Variants in STAU2 observed in about 807,000 individuals in gnomAD.
STAU2 encodes double-stranded RNA-binding protein Staufen homolog 2.
A neutral mutation model predicts 65.9 loss-of-function variants in STAU2; 20 were observed. That is an observed-to-expected ratio of 0.30 (90% CI 0.21 to 0.44). The LOEUF (loss-of-function observed/expected upper bound fraction) is 0.44, where lower values mean the gene tolerates loss of function less well. STAU2 is among the 20% of genes least tolerant of loss of function. The pLI is 1.00. For synonymous variants in STAU2, 232 were observed against 233.9 expected (o/e 0.99, Z 0.07); for missense variants, 558 against 683.9 (o/e 0.82, Z 2.05).
intron 12 of STAU2, among the ~76,000 whole-genome samples, chr8:73,565,481 T>C (rs1808535276): frequency 6.6e-6 from 1 of 152,182 alleles, no homozygotes; most frequent in Non-Finnish European, 1.5e-5. Flanking sequence ...TTTACAGCCC[T>C]GCAAAAACAG....
intron 6 of STAU2, among the ~76,000 whole-genome samples, chr8:73,621,721 T>C (rs1285303642): frequency 3.3e-5 from 5 of 152,176 alleles, no homozygotes; most frequent in Non-Finnish European, 7.3e-5. Flanking sequence ...AGAATTATCT[T>C]CCATGCTTGT....
chr8:73,442,849 G>C (rs1379820956), intron 13 of STAU2, among the ~76,000 whole-genome samples: 1 of 152,180 alleles, frequency 6.6e-6, no homozygotes, highest in Admixed American at 6.5e-5. Context: ...ATTTTTGCCT[G>C]AGGGTACATT....
chr8:73,465,403 T>A (rs1819597397), intron 13 of STAU2, among the ~76,000 whole-genome samples: 1 of 152,252 alleles, frequency 6.6e-6, no homozygotes, highest in African/African-American at 2.4e-5. Context: ...AGGAATGTTT[T>A]TGACTAGAAA....
chr8:73,699,381 A>G (rs959359616), intron 4 of STAU2, among the ~76,000 whole-genome samples: 8 of 152,078 alleles, frequency 5.3e-5, no homozygotes, highest in Non-Finnish European at 2.9e-5. Flanking sequence ...ACTAGAACAA[A>G]AAGTTGGTGT....
At chr8:73,494,331 C>G (rs1401101710) in intron 13 of STAU2, among the ~76,000 whole-genome samples, 2 of 151,488 alleles carry the variant, frequency 1.3e-5, no homozygotes, top group Non-Finnish European at 3.0e-5. Context: ...ACAAATATAG[C>G]AAAATATTAA....
chr8:73,747,286 G>T, upstream of STAU2: 2 of 1,393,902 alleles, frequency 1.4e-6, no homozygotes, highest in Non-Finnish European at 1.9e-6. Context: ...TGGGCCTGGG[G>T]CAGCCCCTTC....
chr8:73,471,683 T>C (rs139626584), intron 13 of STAU2, among the ~76,000 whole-genome samples: 10 of 151,888 alleles, frequency 6.6e-5, no homozygotes, highest in Non-Finnish European at 2.9e-5. Context: ...CCGGGCATGA[T>C]GGCAGGTGCC....
intron 10 of STAU2, among the ~76,000 whole-genome samples, chr8:73,602,981 T>C (rs1378589251): frequency 6.6e-6 from 1 of 152,122 alleles, no homozygotes; most frequent in Non-Finnish European, 1.5e-5. Context: ...GAATCAAGTG[T>C]GGCAAAAATC....
chr8:73,582,932 G>T (rs1586056553), intron 11 of STAU2, 102 bp from the exon 12 acceptor site: 3 of 972,528 alleles, frequency 3.1e-6, no homozygotes, highest in East Asian at 4.8e-5. Flanking sequence ...CTCTCACATG[G>T]TTATTCTGCA....
At chr8:73,679,978 ATT>A (rs1160379353) in intron 5 of STAU2, among the ~76,000 whole-genome samples, 1,326 of 81,372 alleles carry the variant, frequency 0.016, 31 homozygotes, top group African/African-American at 0.06. Flanking sequence ...TAGGGAAGCC[ATT>A]TTTTTTTTTT....
At chr8:73,631,614 G>T (rs1434432056) in intron 6 of STAU2, among the ~76,000 whole-genome samples, 2 of 152,070 alleles carry the variant, frequency 1.3e-5, no homozygotes, top group Non-Finnish European at 2.9e-5. Flanking sequence ...GTTCTGTATA[G>T]ACTGTTCTGT....
intron 13 of STAU2, among the ~76,000 whole-genome samples, chr8:73,548,558 AG>A (rs1376883376): frequency 6.6e-6 from 1 of 152,236 alleles, no homozygotes; most frequent in East Asian, 1.9e-4. Flanking sequence ...ATATTTGAAA[AG>A]GAAGATTTTA....
At chr8:73,474,473 C>T (rs1820208287) in intron 13 of STAU2, among the ~76,000 whole-genome samples, 1 of 152,102 alleles carries the variant, frequency 6.6e-6, no homozygotes. Context: ...ATAAAAAGAC[C>T]TTCAACACTT....
chr8:73,584,650 A>T (rs925779166), intron 11 of STAU2, among the ~76,000 whole-genome samples: 1 of 152,220 alleles, frequency 6.6e-6, no homozygotes, highest in African/African-American at 2.4e-5. Context: ...AGAAAAAAGA[A>T]GCTAAAGAAA....
At chr8:73,648,536 A>G (rs1815568819) in intron 6 of STAU2, among the ~76,000 whole-genome samples, 1 of 152,226 alleles carries the variant, frequency 6.6e-6, no homozygotes, top group Non-Finnish European at 1.5e-5. Flanking sequence ...AGTAGACTAC[A>G]TAACTTTTAC....
At chr8:73,562,748 T>C (rs908305365) in intron 12 of STAU2, among the ~76,000 whole-genome samples, 2 of 152,150 alleles carry the variant, frequency 1.3e-5, no homozygotes, top group African/African-American at 4.8e-5. Flanking sequence ...CAGTCTATTA[T>C]ATATTATTCA....
intron 12 of STAU2, among the ~76,000 whole-genome samples, chr8:73,564,334 G>T (rs906352914): frequency 1.3e-5 from 2 of 152,194 alleles, no homozygotes; most frequent in Non-Finnish European, 2.9e-5. Context: ...CATGTCCTTT[G>T]CAGGGACATG....
chr8:73,680,826 A>G (rs991122703), intron 5 of STAU2, among the ~76,000 whole-genome samples: 1 of 152,036 alleles, frequency 6.6e-6, no homozygotes, highest in Admixed American at 6.6e-5. Flanking sequence ...AATATACTGC[A>G]AAGTTTCAAC....
chr8:73,485,772 T>TA (rs1257590759), intron 13 of STAU2, among the ~76,000 whole-genome samples: 3 of 152,070 alleles, frequency 2.0e-5, no homozygotes, highest in Non-Finnish European at 4.4e-5. Flanking sequence ...AGTTTGAGGC[T>TA]ATAGTGAGCT....
Sources: allele counts gnomAD v4.1 joint callset (sites outside exome capture counted in the v4.1 genomes callset), GRCh38; gene constraint gnomAD v4.1.1; transcripts MANE v1.5; gene names NCBI Gene and HGNC (gene_info 2026-07-23, HGNC 2026-07-21).